The following SARM1 variants were observed in gnomAD, a reference collection of about 807,000 sequenced individuals.
The protein encoded by SARM1 is sterile alpha and TIR motif containing 1.
In SARM1, 60 loss-of-function variants were observed where a neutral mutation model predicts 65.1. The observed-to-expected ratio is 0.92, with a 90% CI of 0.75 to 1.14. SARM1 has a LOEUF of 1.14. Ranked by LOEUF, SARM1 falls within the 50% of genes most tolerant of loss-of-function variation. SARM1 has a pLI of 0.00. For missense variants in SARM1, 913 were observed against 1,015.7 expected, an observed-to-expected ratio of 0.90 and a Z score of 1.37; for synonymous variants, 417 against 465.4, an observed-to-expected ratio of 0.90 and a Z score of 1.34.
At chr17:28,389,868 T>A (rs2068071709) in intron 7 of SARM1, among the ~76,000 whole-genome samples, 2 of 152,172 alleles carry the variant, frequency 1.3e-5, no homozygotes, top group Non-Finnish European at 2.9e-5. Context: ...TGGGACCCTG[T>A]CTCAAAATGA....
In SARM1 at chr17:28,385,515, C is replaced by G. The variant is rs1477333739; in HGVS notation, c.1630+240C>G. The G allele has an allele frequency of 9.3e-6, 5 of 538,944 alleles. No individual in the cohort carries two copies. The highest frequency in any genetic ancestry group is 1.3e-5 in the Non-Finnish European group (4 of 306,960). The allele number at this position is 538,944 out of a possible 1,614,324, so 33.4% of individuals were successfully genotyped here. On this transcript the variant is annotated intron_variant, in intron 5 of 8. Coordinates refer to ENST00000585482, the MANE Select transcript of SARM1 (RefSeq NM_015077.4). This position sits in a 1 kb window ranked among gnomAD's most constrained non-coding sequence, Gnocchi z 4.5. ...AGGCTATTAAACAGGCAAGCGGCCCCGGCAGGAAGCTACCCAGGTCTCCAG... is the reference window on the plus strand; with the variant it reads ...AGGCTATTAAACAGGCAAGCGGCCCGGGCAGGAAGCTACCCAGGTCTCCAG...
At position 28,395,956 on chromosome 17, in the gene SARM1, G is replaced by A. The variant is rs1555587747; in HGVS notation, c.1975G>A (p.Gly659Ser). 1.2e-6 allele frequency: 2 copies of A among 1,613,860 alleles called. No homozygotes were observed. Among genetic ancestry groups the A allele is most frequent in the East Asian group, 2.2e-5 (1 of 44,880 alleles). Residue 659 changes from glycine (G) to serine (S), a missense_variant, in exon 8 of 9, where the codon GGC becomes AGC. Physicochemically the swap from Gly to Ser is moderately conservative, Grantham distance 56. Coordinates refer to ENST00000585482, the MANE Select transcript of SARM1 (RefSeq NM_015077.4). ...CAAGAACATTGTGCCCATCATTGAT[G>A]GCTTCGAGTGGCCTGAGCCCCAGGT... ...CGKNIVPIIDGFEWPEPQVLP... is the reference protein window; with the variant it reads ...CGKNIVPIIDSFEWPEPQVLP...
At chr17:28,389,042 T>G (rs1425952485) in intron 7 of SARM1, among the ~76,000 whole-genome samples, 1 of 152,182 alleles carries the variant, frequency 6.6e-6, no homozygotes, top group African/African-American at 2.4e-5. Context: ...TCCACTCACC[T>G]TATAGAACTG....
intron 2 of SARM1, 130 bp downstream of exon 2, chr17:28,381,951 C>T: frequency 4.2e-6 from 5 of 1,185,060 alleles, no homozygotes; most frequent in South Asian, 2.6e-5. Flanking sequence ...AAAGGAGGAG[C>T]GGGCCAGTCA....
chr17:28,378,879 C>T (rs2068006857), intron 1 of SARM1, among the ~76,000 whole-genome samples: 1 of 152,000 alleles, frequency 6.6e-6, no homozygotes, highest in Non-Finnish European at 1.5e-5. Flanking sequence ...CTATGTTGTC[C>T]AGGTTCGTGT....
chr17:28,386,223 T>C (rs2068049815), intron 5 of SARM1, among the ~76,000 whole-genome samples: 1 of 152,172 alleles, frequency 6.6e-6, no homozygotes, highest in Non-Finnish European at 1.5e-5. Context: ...GAGGATCACC[T>C]GAGCCCAGGA....
chr17:28,382,834 G>A (rs555787228), intron 2 of SARM1, among the ~76,000 whole-genome samples: 282 of 690 alleles, frequency 0.41, 1 homozygote, highest in Middle Eastern at 0.5. Context: ...CTACAAGCAC[G>A]CACCACAATC....
At position 28,399,976 on chromosome 17, in the gene SARM1, C is replaced by T. The variant is rs2068176476; in HGVS notation, c.*3690C>T. 2 of 458,864 alleles carry T rather than the reference C, an allele frequency of 4.4e-6. No homozygotes were observed. The highest frequency in any genetic ancestry group is 8.6e-5 in the East Asian group (2 of 23,306). The allele number at this position is 458,864 out of a possible 1,614,324, so 28.4% of individuals were successfully genotyped here. On this transcript the variant is annotated 3_prime_UTR_variant, in exon 9 of 9. Transcript: ENST00000585482. ...TGACATAATCATAGCTCACTGTACC[C>T]TTGAACTCCTGGGCTCAAGTGATCC...
In SARM1 at chr17:28,401,301, TG is replaced by T. The variant is rs1279667817; in HGVS notation, c.*5017del. Reference sequence around the variant, plus strand: ...TCACCCATCACTGGGCCTGGTCCCCTGGAAGTAGCTAGTTAGTAAGGGCTGT... The same window carrying T: ...TCACCCATCACTGGGCCTGGTCCCCTGAAGTAGCTAGTTAGTAAGGGCTGT... On this transcript the variant is annotated 3_prime_UTR_variant, in exon 9 of 9. Transcript: ENST00000585482. The T allele has an allele frequency of 1.2e-5, 2 of 162,876 alleles. No homozygotes were observed. The highest frequency in any genetic ancestry group is 3.4e-4 in the South Asian group (2 of 5,940). The allele number at this position is 162,876 out of a possible 1,614,324, so 10.1% of individuals were successfully genotyped here.
chr17:28,400,451 G>T lies in SARM1; in HGVS notation c.*4165G>T, dbSNP rs1340607673. ...CGCCCTTGGAAAATGGCTCCTGGAG[G>T]ATTAGGCAGCCATCTGCAAGGAGAG... On this transcript the variant is annotated 3_prime_UTR_variant, in exon 9 of 9. Coordinates refer to ENST00000585482, the MANE Select transcript of SARM1 (RefSeq NM_015077.4). The T allele has an allele frequency of 4.5e-6, 4 of 894,638 alleles. No individual in the cohort carries two copies. In the Admixed American group the frequency reaches 1.1e-4, roughly 25 times the overall value. The allele number at this position is 894,638 out of a possible 1,614,324, so 55.4% of individuals were successfully genotyped here. A position where few individuals can be genotyped will look rare whatever the true frequency, so the allele number is the denominator to read the frequency against.
rs41297103 is a variant in SARM1, at chr17:28,402,109, T to C, written c.*5823T>C. 1,086 of 732,932 alleles carry C rather than the reference T, an allele frequency of 1.5e-3. 15 individuals carry two copies. The African/African-American group carries it at 0.017, about 12-fold the overall frequency. The allele number at this position is 732,932 out of a possible 1,614,324, so 45.4% of individuals were successfully genotyped here. ...GGCAATTTCACAGAAATGTGTTTGTTTTGGCCACTTACTTCTCCAGGGTGA... is the reference window on the plus strand; with the variant it reads ...GGCAATTTCACAGAAATGTGTTTGTCTTGGCCACTTACTTCTCCAGGGTGA... On this transcript the variant is annotated 3_prime_UTR_variant, in exon 9 of 9. Transcript: ENST00000585482.
At chr17:28,381,926 T>G (rs1369645734) in intron 2 of SARM1, 105 bp downstream of exon 2, 92 of 1,294,024 alleles carry the variant, frequency 7.1e-5, no homozygotes, top group Non-Finnish European at 9.0e-5. Context: ...ACATCAGAAT[T>G]AGATGAAGCA....
In SARM1 at chr17:28,372,573, G is replaced by A. The variant is rs1303142680; in HGVS notation, c.470+71G>A. On this transcript the variant is annotated intron_variant, in intron 1 of 8. Transcript: ENST00000585482. This position sits in a 1 kb window ranked among gnomAD's most constrained non-coding sequence, Gnocchi z 5.2. ...CAGTTAAGCGCCTGCGTTCCCGTGT[G>A]CCTTGCGCCGTGCCTTTGCCTCCCT... The A allele has an allele frequency of 2.4e-6, 3 of 1,251,116 alleles. No homozygotes were observed. The highest frequency in any genetic ancestry group is 2.6e-5 in the Admixed American group (1 of 38,864). The allele number at this position is 1,251,116 out of a possible 1,614,324, so 77.5% of individuals were successfully genotyped here.
At chr17:28,381,969 G>T (rs782780362) in intron 2 of SARM1, 148 bp downstream of exon 2, 51 of 1,101,674 alleles carry the variant, frequency 4.6e-5, no homozygotes, top group Non-Finnish European at 5.8e-5. Flanking sequence ...TCATTTTGGC[G>T]TTGAAGGCAA....
rs2067963319 is a variant in SARM1, at chr17:28,372,416, G to A, written c.384G>A (p.Leu128=). 6.5e-7 allele frequency: 1 copy of A among 1,529,980 alleles called. No homozygotes were observed. The highest frequency in any genetic ancestry group is 2.0e-5 in the Admixed American group (1 of 50,820). 94.8% of individuals were successfully genotyped at this position (1,529,980 alleles called of 1,614,324 possible). A position where few individuals can be genotyped will look rare whatever the true frequency, so the allele number is the denominator to read the frequency against. Reference sequence around the variant, plus strand: ...TCCGCCTCGATGGCGGCCTCGACCTGCTGTTGCGGCTGCTGCAGGCGCCGG... The same window carrying A: ...TCCGCCTCGATGGCGGCCTCGACCTACTGTTGCGGCTGCTGCAGGCGCCGG... ...DAIRLDGGLD[L]LLRLLQAPEL... Residue 128 remains leucine, a synonymous_variant, in exon 1 of 9, where the codon CTG becomes CTA. Coordinates refer to ENST00000585482, the MANE Select transcript of SARM1 (RefSeq NM_015077.4). The surrounding 1 kb of genome is among the most constrained non-coding windows in gnomAD (Gnocchi z 5.2).
rs1555585314 is a variant in SARM1, at chr17:28,381,683, C to T, written c.951C>T (p.Asp317=). ...CCCGCTGTCTGGTGGACGCCAGCGA[C>T]ACAAGCCAGGGCCGCGGGCCCGACG... ...RFARCLVDAS[D]TSQGRGPDDL... Residue 317 remains aspartate (D), a synonymous_variant, in exon 2 of 9, where the codon GAC becomes GAT. Coordinates refer to ENST00000585482, the MANE Select transcript of SARM1 (RefSeq NM_015077.4). 6.4e-7 allele frequency: 1 copy of T among 1,561,292 alleles called. No individual in the cohort carries two copies. The highest frequency in any genetic ancestry group is 2.4e-5 in the East Asian group (1 of 41,812).
In SARM1 at chr17:28,400,553, G is replaced by T; in HGVS notation, c.*4267G>T. 6.3e-7 allele frequency: 1 copy of T among 1,597,478 alleles called. No homozygotes were observed. Among genetic ancestry groups the T allele is most frequent in the South Asian group, 1.1e-5 (1 of 88,946 alleles). On this transcript the variant is annotated 3_prime_UTR_variant, in exon 9 of 9. Coordinates refer to ENST00000585482, the MANE Select transcript of SARM1 (RefSeq NM_015077.4). Reference sequence around the variant, plus strand: ...GCCATTTCTGGTTGGGAGGAGAAGAGGAAACTTTTAAGAGAAAGGGCTCCA... The same window carrying T: ...GCCATTTCTGGTTGGGAGGAGAAGATGAAACTTTTAAGAGAAAGGGCTCCA...
rs150295814 is a variant in SARM1, at chr17:28,389,756, C to T, written c.1923+1217C>T. On this transcript the variant is annotated intron_variant, in intron 7 of 8. Transcript: ENST00000585482. ...TACAAAAATTAGCCAGGCATGGTGG[C>T]GCACACCTGTAATCCCAGCTACTCA... Among the ~76,000 whole-genome samples, 779 of 152,178 alleles carry T rather than the reference C, an allele frequency of 5.1e-3. 10 individuals are homozygous for T. The highest frequency in any genetic ancestry group is 0.017 in the African/African-American group (726 of 41,506).
At chr17:28,387,891 G>A in intron 5 of SARM1, 2 of 450,696 alleles carry the variant, frequency 4.4e-6, no homozygotes, top group Non-Finnish European at 8.0e-6. Flanking sequence ...AGTGATTGTG[G>A]GCAGCTGGCT....
Sources: allele counts gnomAD v4.1 joint callset (sites outside exome capture counted in the v4.1 genomes callset), GRCh38; gene constraint gnomAD v4.1.1; non-coding constraint Gnocchi (gnomAD v3.1); transcripts MANE v1.5; gene names NCBI Gene and HGNC (gene_info 2026-07-23, HGNC 2026-07-21).